RALGPS2: variants seen among roughly 807,000 people sequenced by gnomAD.
RALGPS2 encodes ras-specific guanine nucleotide-releasing factor RalGPS2.
Under a neutral mutation model 86.8 loss-of-function variants are expected in RALGPS2, and 43 were observed. The ratio of observed to expected loss-of-function variants is 0.50; its 90% confidence interval spans 0.39 to 0.64. RALGPS2 has a LOEUF of 0.64. Ranked by LOEUF, RALGPS2 falls within the 30% of genes least tolerant of loss-of-function variation. The pLI, the probability that RALGPS2 is intolerant of heterozygous loss-of-function variation, is 0.00. For missense variants in RALGPS2, 536 were observed against 694.6 expected (o/e 0.77, Z 2.57); for synonymous variants, 243 against 231.3 (o/e 1.05, Z -0.46).
rs546850401 is a variant in RALGPS2 at position 178,865,419 on chromosome 1, T to G, written c.608-12079T>G. ...GAGTTCATGTTACGGCTTTCCTTTCTCAGCAGCTTTACCTCATTCACAATG... is the reference window on the plus strand; with the variant it reads ...GAGTTCATGTTACGGCTTTCCTTTCGCAGCAGCTTTACCTCATTCACAATG... On this transcript the variant is annotated intron_variant, in intron 8 of 19. Transcript: ENST00000367635. 6 of 1,614,056 alleles carry G rather than the reference T, an allele frequency of 3.7e-6. No individual in the cohort carries two copies. In the South Asian group the frequency reaches 6.6e-5, roughly 18 times the overall value.
intron 4 of RALGPS2, among the ~76,000 whole-genome samples, chr1:178,794,081 T>C (rs1654079922): frequency 6.6e-6 from 1 of 152,194 alleles, no homozygotes; most frequent in Non-Finnish European, 1.5e-5. Context: ...CTTTTGATCA[T>C]GAAGGTTTGT....
In RALGPS2 at chr1:178,751,540, A is replaced by G. The variant is rs370932715; in HGVS notation, c.-83-25142A>G. On this transcript the variant is annotated intron_variant, in intron 1 of 19. Coordinates refer to ENST00000367635, the MANE Select transcript of RALGPS2 (RefSeq NM_152663.5). Reference sequence around the variant, plus strand: ...GCCTCCTTTTCTAAACTGGTTATCAATTTCTTAAATTGATTACATTATTGA... The same window carrying G: ...GCCTCCTTTTCTAAACTGGTTATCAGTTTCTTAAATTGATTACATTATTGA... Among the ~76,000 whole-genome samples the G allele has an allele frequency of 3.3e-5, 5 of 152,232 alleles. No homozygotes were observed. In the South Asian group the frequency reaches 6.2e-4, roughly 19 times the overall value.
intron 5 of RALGPS2, among the ~76,000 whole-genome samples, chr1:178,808,695 C>T (rs1163492574): frequency 6.6e-6 from 1 of 151,988 alleles, no homozygotes; most frequent in Non-Finnish European, 1.5e-5. Context: ...ATACATTATT[C>T]TAAGAGGCTT....
At chr1:178,887,221 G>C (rs1016237947) in intron 13 of RALGPS2, among the ~76,000 whole-genome samples, 2 of 152,228 alleles carry the variant, frequency 1.3e-5, no homozygotes, top group Non-Finnish European at 1.5e-5. Context: ...GGGAGGCCCA[G>C]ATGGGCAGAT....
chr1:178,896,047 A>G (rs1477089081), intron 16 of RALGPS2, among the ~76,000 whole-genome samples: 2 of 152,056 alleles, frequency 1.3e-5, no homozygotes, highest in East Asian at 3.9e-4. Flanking sequence ...AAAGAAGAGT[A>G]TAAAGGAAAA....
rs142453946 is a variant in RALGPS2, at chr1:178,915,250, T to C, written c.1723-1080T>C. 5.7e-3 allele frequency among the ~76,000 whole-genome samples: 874 copies of C among 152,328 alleles called. 37 individuals are homozygous for C. The highest frequency in any genetic ancestry group is 0.052 in the Admixed American group (796 of 15,300). Reference sequence around the variant, plus strand: ...AAATACAAGTTTCTTTTTTTTTCTTTGAGACAGGGTTTCACTCTTGTTGCC... The same window carrying C: ...AAATACAAGTTTCTTTTTTTTTCTTCGAGACAGGGTTTCACTCTTGTTGCC... On this transcript the variant is annotated intron_variant, in intron 19 of 19. Coordinates refer to ENST00000367635, the MANE Select transcript of RALGPS2 (RefSeq NM_152663.5).
intron 1 of RALGPS2, chr1:178,746,638 A>G (rs539346425): frequency 9.6e-5 from 73 of 760,386 alleles, no homozygotes; most frequent in Non-Finnish European, 1.4e-4. Flanking sequence ...TTGCACATCA[A>G]TGGTTCCAAA....
Position 178,805,381 on chromosome 1 carries a change from G to A in RALGPS2, c.214-2664G>A, listed in dbSNP as rs531160491. 8.9e-3 allele frequency among the ~76,000 whole-genome samples: 1,349 copies of A among 151,086 alleles called. 9 individuals carry two copies. Among genetic ancestry groups the A allele is most frequent in the African/African-American group, 0.027 (1,095 of 40,844 alleles). On this transcript the variant is annotated intron_variant, in intron 4 of 19. Coordinates refer to ENST00000367635, the MANE Select transcript of RALGPS2 (RefSeq NM_152663.5). ...GCCTATGTCCTGAATGGTAATGCCT[G>A]GGTTTTCTTCTAGGGTTTTTATGGT... is the stretch of plus-strand genomic sequence containing the variant.
intron 1 of RALGPS2, among the ~76,000 whole-genome samples, chr1:178,755,744 A>G (rs923129247): frequency 6.6e-6 from 1 of 152,150 alleles, no homozygotes; most frequent in Non-Finnish European, 1.5e-5. Context: ...GTTCTATTTT[A>G]AGTTATATGA....
intron 1 of RALGPS2, chr1:178,726,386 C>G (rs1206939172): frequency 6.6e-6 from 1 of 152,146 alleles, no homozygotes; most frequent in Non-Finnish European, 1.5e-5. Flanking sequence ...AAGCCAGTTT[C>G]AGTGTACGTG....
chr1:178,814,560 C>T (rs12139959), intron 6 of RALGPS2, among the ~76,000 whole-genome samples: 6,848 of 152,188 alleles, frequency 0.045, 160 homozygotes, highest in Non-Finnish European at 0.057. Flanking sequence ...CTCAGCCTCC[C>T]GAATAGTTAG....
chr1:178,858,732 T>C lies in RALGPS2; in HGVS notation c.608-18766T>C, dbSNP rs1307003821. On this transcript the variant is annotated intron_variant, in intron 8 of 19. Coordinates refer to ENST00000367635, the MANE Select transcript of RALGPS2 (RefSeq NM_152663.5). ...TCATGCCACATTATTTCCCAAGGTG[T>C]ATTTATTAAGAACCCATATTTTGAA... Among the ~76,000 whole-genome samples the C allele has an allele frequency of 2.6e-5, 4 of 152,128 alleles. No individual in the cohort carries two copies. In the East Asian group the frequency reaches 5.8e-4, roughly 22 times the overall value.
At chr1:178,906,225 C>T (rs1422995233) in intron 18 of RALGPS2, among the ~76,000 whole-genome samples, 1 of 151,892 alleles carries the variant, frequency 6.6e-6, no homozygotes, top group African/African-American at 2.4e-5. Context: ...ATACAAAAAA[C>T]TTAGCTGGGC....
At chr1:178,817,546 A>C (rs1572362617) in intron 6 of RALGPS2, among the ~76,000 whole-genome samples, 1 of 152,062 alleles carries the variant, frequency 6.6e-6, no homozygotes, top group African/African-American at 2.4e-5. Flanking sequence ...TAAGCCTTGC[A>C]ATCTGATAGT....
intron 14 of RALGPS2, among the ~76,000 whole-genome samples, chr1:178,890,305 A>T (rs993139797): frequency 6.6e-6 from 1 of 151,934 alleles, no homozygotes; most frequent in Non-Finnish European, 1.5e-5. Flanking sequence ...AGATCTGAAG[A>T]ATGTGACCAA....
intron 19 of RALGPS2, among the ~76,000 whole-genome samples, chr1:178,915,844 C>A (rs1660791051): frequency 6.6e-6 from 1 of 152,054 alleles, no homozygotes; most frequent in Non-Finnish European, 1.5e-5. Flanking sequence ...TTTTGTTTTT[C>A]TGTACTTATT....
At chr1:178,830,872 AT>A (rs2102243771) in intron 7 of RALGPS2, among the ~76,000 whole-genome samples, 1 of 152,310 alleles carries the variant, frequency 6.6e-6, no homozygotes, top group East Asian at 1.9e-4. Flanking sequence ...CAACACAAGA[AT>A]TTGCATCCAG....
At chr1:178,739,777 T>C (rs2102019267) in intron 1 of RALGPS2, among the ~76,000 whole-genome samples, 1 of 152,318 alleles carries the variant, frequency 6.6e-6, no homozygotes, top group Middle Eastern at 3.4e-3. Context: ...AGATAACCAC[T>C]TTGAAGGTTT....
chr1:178,914,143 C>G (rs929167134), intron 19 of RALGPS2, among the ~76,000 whole-genome samples: 1 of 152,172 alleles, frequency 6.6e-6, no homozygotes, highest in Non-Finnish European at 1.5e-5. Flanking sequence ...CAGCCCTGCT[C>G]TCTCCAAATA....
Sources: allele counts gnomAD v4.1 joint callset (sites outside exome capture counted in the v4.1 genomes callset), GRCh38; gene constraint gnomAD v4.1.1; transcripts MANE v1.5; gene names NCBI Gene and HGNC (gene_info 2026-07-23, HGNC 2026-07-21).